UGT1A1: variants seen among roughly 807,000 people sequenced by gnomAD.
UGT1A1 encodes the protein UDP-glucuronosyltransferase 1A1.
Under a neutral mutation model 40.6 loss-of-function variants are expected in UGT1A1, and 33 were observed. The observed-to-expected ratio is 0.81, with a 90% CI of 0.62 to 1.09. The LOEUF (loss-of-function observed/expected upper bound fraction) is 1.09. UGT1A1 is among the 50% of genes least tolerant of loss of function. The probability of loss-of-function intolerance (pLI) is 0.00; values close to 1 mark genes in which losing one functional copy is unlikely to be tolerated. For synonymous variants in UGT1A1, 249 were observed against 265.0 expected (o/e 0.94, Z 0.59); for missense variants, 694 against 671.2 (o/e 1.03, Z -0.38).
intron 1 of UGT1A1, among the ~76,000 whole-genome samples, chr2:233,765,992 C>T (rs1575816962): frequency 6.6e-6 from 1 of 152,236 alleles, no homozygotes; most frequent in Middle Eastern, 3.4e-3. Context: ...CCTGAAGCTC[C>T]AGTGGGCGTG....
chr2:233,772,669 CA>C lies in UGT1A1; in HGVS notation c.*111del. On this transcript the variant is annotated 3_prime_UTR_variant, in exon 5 of 5. Coordinates refer to ENST00000305208, the MANE Select transcript of UGT1A1 (RefSeq NM_000463.3). ...TTATTCTTATTAAGGAAATACTTTG[CA>C]TAAATTAATCAGCCCCAGAGTGCTT... 6.5e-7 allele frequency: 1 copy of C among 1,536,408 alleles called. No individual in the cohort carries two copies. The highest frequency in any genetic ancestry group is 1.4e-5 in the African/African-American group (1 of 72,618).
chr2:233,760,386 C>A lies in UGT1A1; in HGVS notation c.99C>A (p.Ile33=). Residue 33 remains isoleucine (I), a synonymous_variant, in exon 1 of 5, where the codon ATC becomes ATA. Transcript: ENST00000305208. ...VVSHAGKILL[I]PVDGSHWLSM... is the part of the protein sequence containing the mutation. ...CCCATGCTGGGAAGATACTGTTGAT[C>A]CCAGTGGATGGCAGCCACTGGCTGA... 6.2e-7 allele frequency: 1 copy of A among 1,614,180 alleles called. No individual in the cohort carries two copies.
intron 1 of UGT1A1, among the ~76,000 whole-genome samples, chr2:233,764,749 G>A (rs2126012049): frequency 6.6e-6 from 1 of 152,298 alleles, no homozygotes; most frequent in East Asian, 1.9e-4. Flanking sequence ...GAGATGTGGT[G>A]CAGACCCTAG....
rs1458334680 is a variant in UGT1A1, at chr2:233,760,734, G to C, written c.447G>C (p.Leu149=). 2 of 1,614,080 alleles carry C rather than the reference G, an allele frequency of 1.2e-6. No individual in the cohort carries two copies. Among genetic ancestry groups the C allele is most frequent in the Non-Finnish European group, 1.7e-6 (2 of 1,180,038 alleles). Residue 149 remains leucine (L), a synonymous_variant, in exon 1 of 5, where the codon CTG becomes CTC. Transcript: ENST00000305208. ...SLAESSFDVM[L]TDPFLPCSPI... ...CAGAAAGCAGCTTTGATGTCATGCT[G>C]ACGGACCCTTTCCTTCCTTGCAGCC...
intron 3 of UGT1A1, 24 bp downstream of exon 3, chr2:233,767,960 T>G (rs769330196): frequency 1.2e-6 from 2 of 1,614,082 alleles, no homozygotes; most frequent in Admixed American, 3.3e-5. Context: ...ATTGGATGTA[T>G]AGGTCAAACC....
intron 1 of UGT1A1, among the ~76,000 whole-genome samples, chr2:233,765,979 GCTC>G (rs2126021756): frequency 6.6e-6 from 1 of 152,256 alleles, no homozygotes; most frequent in Middle Eastern, 3.4e-3. Flanking sequence ...GATGTTTACA[GCTC>G]CTGAAGCTCC....
intron 1 of UGT1A1, among the ~76,000 whole-genome samples, chr2:233,761,453 G>A (rs1414983430): frequency 2.6e-5 from 4 of 152,196 alleles, no homozygotes. Flanking sequence ...GCTGGGTTTG[G>A]GGCACCCTGC....
chr2:233,773,128 A>G lies in UGT1A1; in HGVS notation c.*569A>G. On this transcript the variant is annotated 3_prime_UTR_variant, in exon 5 of 5. Transcript: ENST00000305208. ...TGATTTCTTGCTTTGGGGAAAAAGA[A>G]TGATGCTATGAAATTGGTGGGTGGT... The G allele has an allele frequency of 6.4e-6, 1 of 155,198 alleles. No homozygotes were observed. Among genetic ancestry groups the G allele is most frequent in the Non-Finnish European group, 1.4e-5 (1 of 69,704 alleles). 9.6% of individuals were successfully genotyped at this position (155,198 alleles called of 1,614,324 possible). A position where few individuals can be genotyped will look rare whatever the true frequency, so the allele number is the denominator to read the frequency against.
chr2:233,769,824 C>A lies in UGT1A1; in HGVS notation c.1304+1385C>A. On this transcript the variant is annotated intron_variant, in intron 4 of 4. Transcript: ENST00000305208. This position sits in a 1 kb window ranked among gnomAD's most constrained non-coding sequence, Gnocchi z 4.4. The stretch of plus-strand genomic sequence containing the variant: ...GAGCCGTGATCATGCCACTGCACTC[C>A]AGCAACCTGGGCAACAGAGTGAGAC... 2 of 763,338 alleles carry A rather than the reference C, an allele frequency of 2.6e-6. No homozygotes were observed. The highest frequency in any genetic ancestry group is 3.7e-6 in the Non-Finnish European group (2 of 534,878). The allele number at this position is 763,338 out of a possible 1,614,324, so 47.3% of individuals were successfully genotyped here. A position where few individuals can be genotyped will look rare whatever the true frequency, so the allele number is the denominator to read the frequency against.
At chr2:233,772,049 G>A (rs371064452) in intron 4 of UGT1A1, among the ~76,000 whole-genome samples, 4 of 152,178 alleles carry the variant, frequency 2.6e-5, no homozygotes, top group African/African-American at 9.7e-5. Context: ...GGAGTTGGAG[G>A]CTGCAGTTAG....
Position 233,767,067 on chromosome 2 carries a change from C to G in UGT1A1, c.898C>G (p.His300Asp). ...FEAYINASGE[H>D]GIVVFSLGSM... The stretch of plus-strand genomic sequence containing the variant: ...AGCCTACATTAATGCTTCTGGAGAA[C>G]ATGGAATTGTGGTTTTCTCTTTGGG... Residue 300 changes from histidine to aspartate, a missense_variant, in exon 2 of 5, where the codon CAT becomes GAT. Coordinates refer to ENST00000305208, the MANE Select transcript of UGT1A1 (RefSeq NM_000463.3). The G allele has an allele frequency of 6.2e-7, 1 of 1,614,098 alleles. No individual in the cohort carries two copies. Among genetic ancestry groups the G allele is most frequent in the East Asian group, 2.2e-5 (1 of 44,866 alleles).
Position 233,772,565 on chromosome 2 carries a change from G to A in UGT1A1, c.*6G>A. ...ACAAATCCAAGACCCATTGAGAAGT[G>A]GGTGGGAAATAAGGTAAAATTTTGA... On this transcript the variant is annotated 3_prime_UTR_variant, in exon 5 of 5. Coordinates refer to ENST00000305208, the MANE Select transcript of UGT1A1 (RefSeq NM_000463.3). 6.2e-7 allele frequency: 1 copy of A among 1,613,202 alleles called. No homozygotes were observed.
In UGT1A1 at chr2:233,761,156, G is replaced by T. The variant is rs777807265; in HGVS notation, c.864+5G>T. On this transcript the variant is annotated splice_donor_5th_base_variant and intron_variant, in intron 1 of 4. Transcript: ENST00000305208. ...CACCAAAATCCACTATCCCAGGTGT[G>T]TATTGGAGTGGGACTTTTACATGCG... The T allele has an allele frequency of 2.7e-5, 43 of 1,614,110 alleles. No homozygotes were observed. The highest frequency in any genetic ancestry group is 1.4e-5 in the Non-Finnish European group (17 of 1,180,052).
intron 4 of UGT1A1, chr2:233,771,736 GTCTT>G (rs1408768214): frequency 2.0e-5 from 3 of 152,960 alleles, no homozygotes; most frequent in Non-Finnish European, 4.4e-5. Flanking sequence ...TATAATTTTG[GTCTT>G]TCTTTTTCTC....
chr2:233,769,419 A>C lies in UGT1A1; in HGVS notation c.1304+980A>C. The stretch of plus-strand genomic sequence containing the variant: ...TGCATATGTGCGTGTGCGTTTGTGC[A>C]TGTGGCTGTGCTCATGTGTGGGTGC... On this transcript the variant is annotated intron_variant, in intron 4 of 4. Coordinates refer to ENST00000305208, the MANE Select transcript of UGT1A1 (RefSeq NM_000463.3). This position sits in a 1 kb window ranked among gnomAD's most constrained non-coding sequence, Gnocchi z 4.4. 1.4e-6 allele frequency: 2 copies of C among 1,450,006 alleles called. No individual in the cohort carries two copies. The highest frequency in any genetic ancestry group is 9.6e-7 in the Non-Finnish European group (1 of 1,044,304). 89.8% of individuals were successfully genotyped at this position (1,450,006 alleles called of 1,614,324 possible).
chr2:233,768,064 A>T, intron 3 of UGT1A1, 128 bp downstream of exon 3: 6 of 1,598,982 alleles, frequency 3.8e-6, no homozygotes, highest in Non-Finnish European at 4.3e-6. Context: ...ATTGCTTTTT[A>T]TCTAGTGGGG....
Position 233,772,576 on chromosome 2 carries a change from A to G in UGT1A1, c.*17A>G. The stretch of plus-strand genomic sequence containing the variant: ...ACCCATTGAGAAGTGGGTGGGAAAT[A>G]AGGTAAAATTTTGAACCATTCCCTA... On this transcript the variant is annotated 3_prime_UTR_variant, in exon 5 of 5. Transcript: ENST00000305208. 6.2e-7 allele frequency: 1 copy of G among 1,610,732 alleles called. No homozygotes were observed. Among genetic ancestry groups the G allele is most frequent in the Non-Finnish European group, 8.5e-7 (1 of 1,178,228 alleles).
chr2:233,765,894 C>T (rs527736361), intron 1 of UGT1A1, among the ~76,000 whole-genome samples: 4 of 152,178 alleles, frequency 2.6e-5, no homozygotes, highest in African/African-American at 9.6e-5. Context: ...CAGTGCGCCA[C>T]TGCTCAAACC....
Position 233,768,298 on chromosome 2 carries a change from T to A in UGT1A1, c.1163T>A (p.Met388Lys). The A allele has an allele frequency of 6.2e-7, 1 of 1,614,192 alleles. No individual in the cohort carries two copies. Reference protein sequence around the residue: ...VYESICNGVPMVMMPLFGDQM... With the variant: ...VYESICNGVPKVMMPLFGDQM... ...GAAAGCATATGCAATGGCGTTCCCA[T>A]GGTGATGATGCCCTTGTTTGGTGAT... Residue 388 changes from methionine (M) to lysine (K), a missense_variant, in exon 4 of 5, where the codon ATG (methionine) becomes AAG (lysine). Met to Lys is a moderately conservative substitution (Grantham distance 95, BLOSUM62 -1). Transcript: ENST00000305208.
Sources: gnomAD v4.1 joint callset for allele counts (sites outside exome capture counted in the v4.1 genomes callset) on GRCh38, gnomAD v4.1.1 for gene constraint, Gnocchi (gnomAD v3.1) non-coding constraint, MANE v1.5 for transcripts, NCBI Gene and HGNC (gene_info 2026-07-23, HGNC 2026-07-21) for gene names.